NADK: variants seen among roughly 807,000 people sequenced by gnomAD.
The protein encoded by NADK is poly(P)/ATP NAD kinase.
NADK carries 22 observed loss-of-function variants against 49.8 expected under a neutral mutation model. The ratio of observed to expected loss-of-function variants is 0.44; its 90% CI spans 0.32 to 0.63. The LOEUF (loss-of-function observed/expected upper bound fraction) is 0.63, where lower values mean the gene tolerates loss of function less well. Ranked by LOEUF, NADK falls within the 30% of genes least tolerant of loss-of-function variation. The probability of loss-of-function intolerance (pLI) is 0.06; values close to 1 mark genes in which losing one functional copy is unlikely to be tolerated. For synonymous variants in NADK, 268 were observed against 253.7 expected, an observed-to-expected ratio of 1.06 and a Z score of -0.54; for missense variants, 438 against 609.4, an observed-to-expected ratio of 0.72 and a Z score of 2.96.
In NADK at chr1:1,754,401, T is replaced by C. The variant is rs1419085255; in HGVS notation, c.844-18A>G. Reference sequence around the variant, plus strand: ...TTCAGGACCTGGAGGGGCGACAGCATTGCACACTCAGGGCGGGGGATGCCG... The same window carrying C: ...TTCAGGACCTGGAGGGGCGACAGCACTGCACACTCAGGGCGGGGGATGCCG... On this transcript the variant is annotated intron_variant, in intron 8 of 11. Coordinates refer to ENST00000341426, the MANE Select transcript of NADK (RefSeq NM_023018.5). This position sits in a 1 kb window ranked among gnomAD's most constrained non-coding sequence, Gnocchi z 4.3. 3.1e-6 allele frequency: 5 copies of C among 1,612,700 alleles called. No homozygotes were observed. The highest frequency in any genetic ancestry group is 2.7e-5 in the African/African-American group (2 of 74,860).
At chr1:1,767,833 T>A (rs545462130) in intron 1 of NADK, among the ~76,000 whole-genome samples, 1 of 152,070 alleles carries the variant, frequency 6.6e-6, no homozygotes, top group Non-Finnish European at 1.5e-5. Context: ...AATTCCTACA[T>A]TGAAGCCCTA....
At position 1,778,354 on chromosome 1, in the gene NADK, C is replaced by G. The variant is rs1646275679; in HGVS notation, c.-106G>C. ...GGACCGAGCCCGCAGGCCCCGCCGC[C>G]GCGCCGCCGCCAGCCGTCGCTACCT... On this transcript the variant is annotated 5_prime_UTR_variant, in exon 1 of 12. Transcript: ENST00000341426. This position sits in a 1 kb window ranked among gnomAD's most constrained non-coding sequence, Gnocchi z 4.9. The G allele has an allele frequency of 6.6e-6, 1 of 150,948 alleles. No individual in the cohort carries two copies. The allele number at this position is 150,948 out of a possible 1,614,324, so 9.4% of individuals were successfully genotyped here. A position where few individuals can be genotyped will look rare whatever the true frequency, so the allele number is the denominator to read the frequency against.
At chr1:1,758,763 G>C (rs1645616041) in intron 3 of NADK, 1 of 596,270 alleles carries the variant, frequency 1.7e-6, no homozygotes, top group African/African-American at 2.0e-5. Flanking sequence ...GCAGCAAAGA[G>C]GCCACACTTC....
chr1:1,760,302 G>A (rs1645677835), intron 3 of NADK, among the ~76,000 whole-genome samples: 2 of 152,198 alleles, frequency 1.3e-5, no homozygotes, highest in Non-Finnish European at 1.5e-5. Context: ...AAGCACAAGT[G>A]CGAGTCACTT....
Position 1,755,510 on chromosome 1 carries a change from C to G in NADK, c.586-34G>C, listed in dbSNP as rs370009268. ...CGACGGAGAGGTCACTCAGTGCCCA[C>G]GCCGTGCACCCCCGCACCACCCAGC... On this transcript the variant is annotated intron_variant, in intron 6 of 11. Transcript: ENST00000341426. 39 of 1,523,024 alleles carry G rather than the reference C, an allele frequency of 2.6e-5. 1 individual carries two copies. In the African/African-American group the frequency reaches 4.4e-4, roughly 17 times the overall value. 94.3% of individuals were successfully genotyped at this position (1,523,024 alleles called of 1,614,324 possible).
intron 11 of NADK, 48 bp downstream of exon 11, chr1:1,753,519 C>A (rs762573729): frequency 6.5e-7 from 1 of 1,539,236 alleles, no homozygotes; most frequent in East Asian, 2.3e-5. Flanking sequence ...CTGCCTGGCC[C>A]GGGGAGGAGG....
In NADK at chr1:1,776,945, GT is replaced by G. The variant is rs1646230012; in HGVS notation, c.-41+1343del. ...TTTTATAAATCAGCTAGGTGTGGTG[GT>G]GCAGGCCTGTAATCCCAGCTACTCA... On this transcript the variant is annotated intron_variant, in intron 1 of 11. Coordinates refer to ENST00000341426, the MANE Select transcript of NADK (RefSeq NM_023018.5). Among the ~76,000 whole-genome samples the G allele has an allele frequency of 3.3e-5, 5 of 152,016 alleles. No individual in the cohort carries two copies. The East Asian group carries it at 5.8e-4, about 18-fold the overall frequency.
chr1:1,753,233 A>C (rs1384652141), intron 11 of NADK, among the ~76,000 whole-genome samples, 173 bp from the exon 12 acceptor site: 2 of 152,170 alleles, frequency 1.3e-5, no homozygotes, highest in Non-Finnish European at 2.9e-5. Context: ...GGACAGAGCC[A>C]TCCCAGGTCC....
chr1:1,762,136 A>C (rs1645744127), intron 2 of NADK, 101 bp from the exon 3 acceptor site: 1 of 969,190 alleles, frequency 1.0e-6, no homozygotes, highest in South Asian at 1.4e-5. Flanking sequence ...CATACATGCA[A>C]TTTGAAAGAT....
chr1:1,754,698 C>T lies in NADK; in HGVS notation c.689G>A (p.Gly230Glu). The change falls in exon 8 of 12, where the codon GGG (glycine) becomes GAG (glutamate). Residue 230 changes from glycine to glutamate, a missense_variant and splice_region_variant. Coordinates refer to ENST00000341426, the MANE Select transcript of NADK (RefSeq NM_023018.5). This position sits in a 1 kb window ranked among gnomAD's most constrained non-coding sequence, Gnocchi z 4.3. ...FQSQVTQVIE[G>E]NAAVVLRSRL... The stretch of plus-strand genomic sequence containing the variant: ...ACTCCGGAGAACAACAGCTGCGTTC[C>T]CTGAGGTCCAGCAGGAGTCAGAGGG... 1 of 1,611,114 alleles carries T rather than the reference C, an allele frequency of 6.2e-7. No homozygotes were observed. Among genetic ancestry groups the T allele is most frequent in the South Asian group, 1.1e-5 (1 of 90,762 alleles).
At chr1:1,762,757 CAAAATGAAT>C in intron 2 of NADK, among the ~76,000 whole-genome samples, 1 of 135,648 alleles carries the variant, frequency 7.4e-6, no homozygotes, top group African/African-American at 2.7e-5. Context: ...AACTCTGTCT[CAAAATGAAT>C]GAATGAATGA....
intron 4 of NADK, 101 bp from the exon 5 acceptor site, chr1:1,756,709 T>C (rs1645534632): frequency 1.3e-5 from 21 of 1,583,850 alleles, no homozygotes; most frequent in Admixed American, 5.3e-5. Flanking sequence ...CCTGGCATCG[T>C]GGCCTGCATG....
intron 1 of NADK, among the ~76,000 whole-genome samples, chr1:1,775,771 G>GCA (rs1458570236): frequency 6.6e-6 from 1 of 152,032 alleles, no homozygotes; most frequent in African/African-American, 2.4e-5. Context: ...TCTGTCTGAA[G>GCA]CACACACACA....
chr1:1,757,462 G>A, intron 3 of NADK, 152 bp from the exon 4 acceptor site: 1 of 675,554 alleles, frequency 1.5e-6, no homozygotes, highest in East Asian at 2.7e-5. Context: ...CAGGGCCTAG[G>A]GTCGCGCCAC....
At position 1,752,878 on chromosome 1, in the gene NADK, G is replaced by T. The variant is rs754693543; in HGVS notation, c.*26C>A. 2.5e-6 allele frequency: 4 copies of T among 1,603,674 alleles called. No homozygotes were observed. Among genetic ancestry groups the T allele is most frequent in the Non-Finnish European group, 3.4e-6 (4 of 1,173,758 alleles). ...GAGGGCGCTTGGAGGGCAGCGGAAG[G>T]ATTCGGGCCTGGATAGGGGCTTGAC... On this transcript the variant is annotated 3_prime_UTR_variant, in exon 12 of 12. Coordinates refer to ENST00000341426, the MANE Select transcript of NADK (RefSeq NM_023018.5).
intron 3 of NADK, chr1:1,759,926 G>A (rs1218593534): frequency 1.9e-6 from 3 of 1,550,186 alleles, no homozygotes; most frequent in East Asian, 2.4e-5. Context: ...GAAGTGCAGG[G>A]AGGGCACCAG....
rs1645363516 is a variant in NADK at position 1,752,720 on chromosome 1, A to G, written c.*184T>C. ...TCTCACGCTTCTTTAGAAATGCAAAAAAAGTCAGACATTTTAAAAAAACAG... is the reference window on the plus strand; with the variant it reads ...TCTCACGCTTCTTTAGAAATGCAAAGAAAGTCAGACATTTTAAAAAAACAG... On this transcript the variant is annotated 3_prime_UTR_variant, in exon 12 of 12. Transcript: ENST00000341426. 5 of 677,886 alleles carry G rather than the reference A, an allele frequency of 7.4e-6. No homozygotes were observed. The highest frequency in any genetic ancestry group is 1.2e-5 in the Non-Finnish European group (5 of 423,822). 42.0% of individuals were successfully genotyped at this position (677,886 alleles called of 1,614,324 possible).
At chr1:1,757,148 ACCCCAGGC>A in intron 4 of NADK, 25 bp downstream of exon 4, 1 of 859,178 alleles carries the variant, frequency 1.2e-6, no homozygotes, top group Non-Finnish European at 1.8e-6. Context: ...CTCCATGTGC[ACCCCAGGC>A]CCCCTTCCCC....
intron 3 of NADK, chr1:1,758,699 A>G (rs1645614271): frequency 1.5e-6 from 2 of 1,376,250 alleles, no homozygotes; most frequent in East Asian, 5.3e-5. Context: ...CAGTTTCCTC[A>G]TTGGTCACAT....
Sources: allele counts gnomAD v4.1 joint callset (sites outside exome capture counted in the v4.1 genomes callset), GRCh38; gene constraint gnomAD v4.1.1; non-coding constraint Gnocchi (gnomAD v3.1); transcripts MANE v1.5; gene names NCBI Gene and HGNC (gene_info 2026-07-23, HGNC 2026-07-21).